The following IGFL2 variants were observed in gnomAD, a reference collection of about 807,000 sequenced individuals.
IGFL2 encodes the protein IGF like family member 2, also known as insulin growth factor-like family member 2.
IGFL2 carries 7 observed loss-of-function variants against 13.9 expected under a neutral mutation model. That is an observed-to-expected ratio of 0.51 (90% confidence interval 0.29 to 0.95). The LOEUF (loss-of-function observed/expected upper bound fraction) is 0.95. Ranked by LOEUF, IGFL2 falls within the 40% of genes least tolerant of loss-of-function variation. IGFL2 has a pLI of 0.08. For missense variants in IGFL2, 138 were observed against 147.8 expected, an observed-to-expected ratio of 0.93 and a Z score of 0.34; for synonymous variants, 55 against 55.8, an observed-to-expected ratio of 0.99 and a Z score of 0.07.
At chr19:46,087,890 A>C in the IGFL2 span, among the ~76,000 whole-genome samples, 1 of 152,222 alleles carries the variant, frequency 6.6e-6, no homozygotes, top group Admixed American at 6.5e-5. Context: ...GGTGGAGCTC[A>C]TACAATGGTG....
At chr19:46,168,673 T>C in the IGFL2 span, among the ~76,000 whole-genome samples, 1 of 152,148 alleles carries the variant, frequency 6.6e-6, no homozygotes, top group Non-Finnish European at 1.5e-5. Context: ...GTCCCCCTTT[T>C]TTTGCCTTTA....
At chr19:46,081,667 A>G in the IGFL2 span, among the ~76,000 whole-genome samples, 3 of 152,092 alleles carry the variant, frequency 2.0e-5, no homozygotes, top group Non-Finnish European at 4.4e-5. Flanking sequence ...CCACAAGGAC[A>G]TGTGGTGCTT....
chr19:46,111,584 G>A, the IGFL2 span: 1 of 152,186 alleles, frequency 6.6e-6, no homozygotes, highest in Non-Finnish European at 1.5e-5. Context: ...AAAACATATG[G>A]AAATACATCT....
chr19:46,111,036 C>CT, the IGFL2 span: 5 of 151,922 alleles, frequency 3.3e-5, no homozygotes, highest in Non-Finnish European at 7.4e-5. Flanking sequence ...GTCATTTATT[C>CT]TTTATTGCTC....
the IGFL2 span, among the ~76,000 whole-genome samples, chr19:46,123,478 A>G: frequency 1.3e-5 from 2 of 151,000 alleles, no homozygotes; most frequent in African/African-American, 4.9e-5. Context: ...TGGGGAAACA[A>G]AAAAGCCACT....
At chr19:46,080,257 C>A in the IGFL2 span, among the ~76,000 whole-genome samples, 2 of 152,118 alleles carry the variant, frequency 1.3e-5, no homozygotes, top group Non-Finnish European at 2.9e-5. Context: ...ATTTAAGCTG[C>A]GAGCCGTGGC....
At chr19:46,152,559 C>T (rs1246459891) in intron 1 of IGFL2, among the ~76,000 whole-genome samples, 1 of 152,230 alleles carries the variant, frequency 6.6e-6, no homozygotes, top group Non-Finnish European at 1.5e-5. Context: ...GCTGGGATTA[C>T]AGGAGTGAGC....
chr19:46,117,090 T>A, the IGFL2 span, among the ~76,000 whole-genome samples: 2 of 152,204 alleles, frequency 1.3e-5, no homozygotes, highest in East Asian at 1.9e-4. Flanking sequence ...TTATTTTGAC[T>A]ATTTTTTTCT....
intron 1 of IGFL2, among the ~76,000 whole-genome samples, chr19:46,157,001 ACT>A (rs1232704214): frequency 2.6e-5 from 4 of 152,288 alleles, no homozygotes; most frequent in African/African-American, 4.8e-5. Flanking sequence ...ACTAGGAATA[ACT>A]CTACACAATT....
chr19:46,089,345 T>G, the IGFL2 span, among the ~76,000 whole-genome samples: 1 of 152,324 alleles, frequency 6.6e-6, no homozygotes, highest in South Asian at 2.1e-4. Flanking sequence ...TCTTAACAAA[T>G]TATTGTGATT....
chr19:46,108,966 C>T, the IGFL2 span, among the ~76,000 whole-genome samples: 2 of 152,166 alleles, frequency 1.3e-5, no homozygotes, highest in East Asian at 1.9e-4. Context: ...TGAGATGTTC[C>T]TTGGGCTGGT....
At chr19:46,183,140 A>T in the IGFL2 span, among the ~76,000 whole-genome samples, 1 of 152,164 alleles carries the variant, frequency 6.6e-6, no homozygotes, top group Non-Finnish European at 1.5e-5. Context: ...GGGGAAGCAA[A>T]GGCATGTCGT....
intron 1 of IGFL2, among the ~76,000 whole-genome samples, chr19:46,153,548 T>C (rs1973629763): frequency 6.6e-6 from 1 of 152,154 alleles, no homozygotes; most frequent in Admixed American, 6.5e-5. Context: ...TTCCCAGCAA[T>C]ACAATTATGT....
At chr19:46,190,476 C>T in the IGFL2 span, 1 of 152,234 alleles carries the variant, frequency 6.6e-6, no homozygotes, top group Non-Finnish European at 1.5e-5. Context: ...GGCACATGAT[C>T]GATCACTCCA....
chr19:46,171,901 G>A, the IGFL2 span, among the ~76,000 whole-genome samples: 1 of 152,060 alleles, frequency 6.6e-6, no homozygotes, highest in African/African-American at 2.4e-5. Flanking sequence ...AGGTAAAATT[G>A]GTGCAAATAA....
At chr19:46,183,148 C>T in the IGFL2 span, among the ~76,000 whole-genome samples, 5 of 152,124 alleles carry the variant, frequency 3.3e-5, no homozygotes, top group East Asian at 3.9e-4. Context: ...AAAGGCATGT[C>T]GTACATGGCA....
At chr19:46,175,879 G>A in the IGFL2 span, among the ~76,000 whole-genome samples, 6 of 139,274 alleles carry the variant, frequency 4.3e-5, no homozygotes, top group Non-Finnish European at 6.1e-5. Context: ...GTCTCGCTCT[G>A]TCACCCAGGC....
the IGFL2 span, among the ~76,000 whole-genome samples, chr19:46,187,527 T>C: frequency 2.4e-4 from 26 of 106,790 alleles, no homozygotes; most frequent in African/African-American, 4.0e-4. Context: ...TGATCAGAGA[T>C]GGTGAGCATT....
chr19:46,087,768 C>T, the IGFL2 span, among the ~76,000 whole-genome samples: 1 of 152,202 alleles, frequency 6.6e-6, no homozygotes, highest in Non-Finnish European at 1.5e-5. Flanking sequence ...GAAAGGGTTG[C>T]TGTCATCAGT....
Sources: allele counts gnomAD v4.1 joint callset (sites outside exome capture counted in the v4.1 genomes callset), GRCh38; gene constraint gnomAD v4.1.1; transcripts MANE v1.5; gene names NCBI Gene and HGNC (gene_info 2026-07-23, HGNC 2026-07-21).